The following ASCC3 variants were observed in gnomAD, a reference collection of about 807,000 sequenced individuals.
The protein encoded by ASCC3 is ASC-1 complex subunit P200.
In ASCC3, 158 loss-of-function variants were observed where a neutral mutation model predicts 256.3. The ratio of observed to expected loss-of-function variants is 0.62; its 90% CI spans 0.54 to 0.70. The LOEUF is 0.70. Among genes scored for constraint, ASCC3 ranks in the 30% least tolerant of loss-of-function variants. ASCC3 has a pLI of 0.00. For synonymous variants in ASCC3, 948 were observed against 883.4 expected (o/e 1.07, Z -1.30); for missense variants, 2,259 against 2,626.0 (o/e 0.86, Z 3.05).
At chr6:100,768,931 A>G (rs1781790658) in intron 8 of ASCC3, among the ~76,000 whole-genome samples, 1 of 152,156 alleles carries the variant, frequency 6.6e-6, no homozygotes, top group South Asian at 2.1e-4. Flanking sequence ...GAAAATATCT[A>G]AATATTTGAA....
chr6:100,738,012 T>G (rs1232957602), intron 10 of ASCC3, among the ~76,000 whole-genome samples: 2 of 152,230 alleles, frequency 1.3e-5, no homozygotes, highest in African/African-American at 4.8e-5. Context: ...GTTGGCTGCA[T>G]GTATGTCTTC....
At chr6:100,591,039 G>T (rs750167870) in intron 34 of ASCC3, among the ~76,000 whole-genome samples, 13 of 151,954 alleles carry the variant, frequency 8.6e-5, no homozygotes, top group Non-Finnish European at 1.5e-4. Flanking sequence ...CATTAAAAAG[G>T]AAGTTACTTT....
At chr6:100,815,941 A>C (rs1471735024) in intron 4 of ASCC3, among the ~76,000 whole-genome samples, 1 of 152,180 alleles carries the variant, frequency 6.6e-6, no homozygotes, top group Non-Finnish European at 1.5e-5. Flanking sequence ...GAGCTTCTGT[A>C]CAGCAAAAGA....
intron 17 of ASCC3, among the ~76,000 whole-genome samples, chr6:100,653,237 T>A (rs1775756374): frequency 6.6e-6 from 1 of 152,170 alleles, no homozygotes; most frequent in Non-Finnish European, 1.5e-5. Flanking sequence ...CATACTAAAG[T>A]AAATAGGGAT....
chr6:100,623,835 T>C (rs761401209), intron 30 of ASCC3, among the ~76,000 whole-genome samples: 4 of 152,056 alleles, frequency 2.6e-5, no homozygotes, highest in Non-Finnish European at 4.4e-5. Context: ...ACTAACAAAC[T>C]GGATTACATA....
intron 14 of ASCC3, among the ~76,000 whole-genome samples, chr6:100,670,524 G>A (rs369125): frequency 0.56 from 84,848 of 150,728 alleles, 24,146 homozygotes; most frequent in East Asian, 0.72. Flanking sequence ...TAATGACAAG[G>A]AAAATTCATC....
intron 16 of ASCC3, among the ~76,000 whole-genome samples, chr6:100,660,443 G>A (rs141760780): frequency 2.5e-3 from 382 of 151,716 alleles, no homozygotes; most frequent in African/African-American, 8.8e-3. Context: ...AACCCAACAC[G>A]TAGTTATTTA....
rs569571942 is a variant in ASCC3 at position 100,607,879 on chromosome 6, C to A, written c.4786-791G>T. On this transcript the variant is annotated intron_variant, in intron 30 of 41. Transcript: ENST00000369162. ...CTTCGATCAATAGTACAGCTAAACA[C>A]TTTTTATATTTATTGGCTGTTTTAT... Among the ~76,000 whole-genome samples, 18 of 150,062 alleles carry A rather than the reference C, an allele frequency of 1.2e-4. No individual in the cohort carries two copies. The South Asian group carries it at 2.9e-3, about 24-fold the overall frequency.
chr6:100,628,091 C>CAAA, intron 27 of ASCC3, 104 bp from the exon 28 acceptor site: 4 of 843,612 alleles, frequency 4.7e-6, no homozygotes, highest in South Asian at 2.0e-5. Context: ...AAAACAAAAA[C>CAAA]AAAAAAAAAA....
intron 5 of ASCC3, among the ~76,000 whole-genome samples, chr6:100,801,932 C>T (rs1334709100): frequency 1.3e-5 from 2 of 148,356 alleles, no homozygotes; most frequent in South Asian, 2.2e-4. Context: ...AGATTTTAAG[C>T]GTAAAACTGT....
chr6:100,829,003 T>C (rs2114450504), intron 4 of ASCC3, among the ~76,000 whole-genome samples: 1 of 152,194 alleles, frequency 6.6e-6, no homozygotes, highest in East Asian at 1.9e-4. Flanking sequence ...GACACAAAGG[T>C]TCTCCACGAC....
At position 100,605,709 on chromosome 6, in the gene ASCC3, G is replaced by A. The variant is rs753255505; in HGVS notation, c.5045-9C>T. The A allele has an allele frequency of 6.2e-7, 1 of 1,613,182 alleles. No homozygotes were observed. Among genetic ancestry groups the A allele is most frequent in the Non-Finnish European group, 8.5e-7 (1 of 1,179,394 alleles). ...CATCATCTGGAGGACATCTTTAAAAGAGAGAACAAAGAGATATTCTACAAT... is the reference window on the plus strand; with the variant it reads ...CATCATCTGGAGGACATCTTTAAAAAAGAGAACAAAGAGATATTCTACAAT... On this transcript the variant is annotated splice_polypyrimidine_tract_variant and intron_variant, in intron 32 of 41. Transcript: ENST00000369162.
intron 30 of ASCC3, among the ~76,000 whole-genome samples, chr6:100,607,697 A>G (rs922999061): frequency 1.7e-4 from 26 of 151,766 alleles, no homozygotes; most frequent in African/African-American, 6.3e-4. Flanking sequence ...CTATATGTAA[A>G]TTTAGTAATG....
At chr6:100,597,640 TACTGAAGGA>T (rs1170447926) in intron 34 of ASCC3, among the ~76,000 whole-genome samples, 1 of 151,762 alleles carries the variant, frequency 6.6e-6, no homozygotes, top group African/African-American at 2.4e-5. Context: ...TATTGGTGGC[TACTGAAGGA>T]ACCAACACAT....
At chr6:100,572,263 A>G (rs1770630792) in intron 36 of ASCC3, among the ~76,000 whole-genome samples, 1 of 152,136 alleles carries the variant, frequency 6.6e-6, no homozygotes, top group South Asian at 2.1e-4. Context: ...ATTTCTCACC[A>G]CTTCTGCCAT....
Position 100,509,077 on chromosome 6 carries a change from A to T in ASCC3, c.*309T>A, listed in dbSNP as rs1475763465. On this transcript the variant is annotated 3_prime_UTR_variant, in exon 42 of 42. Transcript: ENST00000369162. The stretch of plus-strand genomic sequence containing the variant: ...ATGTAAACAGTACATTGTGAGATGT[A>T]AAATTTGATTGATAGCTCCTAAATA... 2.7e-6 allele frequency: 1 copy of T among 370,800 alleles called. No homozygotes were observed. The highest frequency in any genetic ancestry group is 5.1e-6 in the Non-Finnish European group (1 of 194,330). 23.0% of individuals were successfully genotyped at this position (370,800 alleles called of 1,614,324 possible). A position where few individuals can be genotyped will look rare whatever the true frequency, so the allele number is the denominator to read the frequency against.
In ASCC3 at chr6:100,629,118, G is replaced by A. The variant is rs757463599; in HGVS notation, c.4272C>T (p.Ile1424=). The A allele has an allele frequency of 3.1e-5, 50 of 1,613,592 alleles. No homozygotes were observed. The highest frequency in any genetic ancestry group is 3.6e-5 in the Non-Finnish European group (42 of 1,179,868). Residue 1424 remains isoleucine (I), a synonymous_variant, in exon 27 of 42, where the codon ATC becomes ATT. Coordinates refer to ENST00000369162, the MANE Select transcript of ASCC3 (RefSeq NM_006828.4). Reference sequence around the variant, plus strand: ...CATCCCACTTCTCTGGCGTAGTGACGATAAGGTCAGCCTTGGCAATGGATT... The same window carrying A: ...CATCCCACTTCTCTGGCGTAGTGACAATAAGGTCAGCCTTGGCAATGGATT... The part of the protein sequence containing the change: ...DMKSIAKADL[I]VTTPEKWDGV...
chr6:100,577,685 G>A (rs1582479792), intron 36 of ASCC3, among the ~76,000 whole-genome samples: 1 of 151,878 alleles, frequency 6.6e-6, no homozygotes, highest in East Asian at 1.9e-4. Flanking sequence ...TGTCTTTCAT[G>A]GTTTACTACC....
intron 14 of ASCC3, among the ~76,000 whole-genome samples, chr6:100,664,051 G>T (rs773613395): frequency 1.3e-5 from 2 of 152,064 alleles, no homozygotes; most frequent in Non-Finnish European, 2.9e-5. Flanking sequence ...GGTCTTAAAA[G>T]ACTCACTGAA....
Sources: allele counts gnomAD v4.1 joint callset (sites outside exome capture counted in the v4.1 genomes callset), GRCh38; gene constraint gnomAD v4.1.1; transcripts MANE v1.5; gene names NCBI Gene and HGNC (gene_info 2026-07-23, HGNC 2026-07-21).